Variants in KLHL28 observed in about 807,000 individuals in gnomAD.
The protein encoded by KLHL28 is kelch like family member 28, also known as kelch-like protein 28.
Under a neutral mutation model 48.3 loss-of-function variants are expected in KLHL28, and 22 were observed. The ratio of observed to expected loss-of-function variants is 0.46; its 90% CI spans 0.33 to 0.65. The LOEUF is 0.65. Among genes scored for constraint, KLHL28 ranks in the 30% least tolerant of loss-of-function variants. The pLI is 0.03. For missense variants in KLHL28, 527 were observed against 704.3 expected, an observed-to-expected ratio of 0.75 and a Z score of 2.85; for synonymous variants, 243 against 242.4, an observed-to-expected ratio of 1.00 and a Z score of -0.02.
At chr14:44,953,168 T>A (rs1038349744) in intron 1 of KLHL28, among the ~76,000 whole-genome samples, 1 of 152,194 alleles carries the variant, frequency 6.6e-6, no homozygotes, top group Admixed American at 6.5e-5. Context: ...GCAGGTTTAG[T>A]ATATGATAAA....
intron 2 of KLHL28, among the ~76,000 whole-genome samples, chr14:44,943,405 C>T (rs1884183329): frequency 6.6e-6 from 1 of 152,172 alleles, no homozygotes; most frequent in Non-Finnish European, 1.5e-5. Flanking sequence ...TGCCTGTAAT[C>T]CCAGCACTTT....
chr14:44,932,383 T>G (rs1254337312), intron 3 of KLHL28, among the ~76,000 whole-genome samples: 1 of 152,138 alleles, frequency 6.6e-6, no homozygotes, highest in Non-Finnish European at 1.5e-5. Context: ...TTAGGAGTAC[T>G]CAGGAATTTG....
intron 2 of KLHL28, among the ~76,000 whole-genome samples, chr14:44,938,214 T>C (rs1453655611): frequency 6.6e-6 from 1 of 152,106 alleles, no homozygotes; most frequent in Non-Finnish European, 1.5e-5. Flanking sequence ...CAAATTCCCT[T>C]CCTGCTGTGA....
chr14:44,926,459 A>G lies in KLHL28; in HGVS notation c.*2569T>C, dbSNP rs903964362. ...TTGATAGTGGAGATGATACATGAGT[A>G]AAATATTGTTAAAATACAATGTATA... On this transcript the variant is annotated 3_prime_UTR_variant, in exon 5 of 5. Transcript: ENST00000396128. 1.3e-5 allele frequency: 2 copies of G among 152,204 alleles called. No individual in the cohort carries two copies. Among genetic ancestry groups the G allele is most frequent in the Admixed American group, 1.3e-4 (2 of 15,292 alleles). 9.4% of individuals were successfully genotyped at this position (152,204 alleles called of 1,614,324 possible).
chr14:44,931,682 G>T, intron 3 of KLHL28, 141 bp from the exon 4 acceptor site: 1 of 643,542 alleles, frequency 1.6e-6, no homozygotes, highest in Non-Finnish European at 2.6e-6. Context: ...CAAATGCTTA[G>T]GTTTTGCTGA....
At chr14:44,947,034 C>A (rs551445251) in intron 1 of KLHL28, among the ~76,000 whole-genome samples, 22 of 152,182 alleles carry the variant, frequency 1.4e-4, no homozygotes, top group Non-Finnish European at 2.6e-4. Context: ...ACATTCACAT[C>A]CCTATCCCTG....
At chr14:44,961,720 CAAG>C (rs1885117992) in intron 1 of KLHL28, 123 bp downstream of exon 1, 2 of 152,300 alleles carry the variant, frequency 1.3e-5, no homozygotes, top group African/African-American at 4.8e-5. Flanking sequence ...GAGCCCTGCA[CAAG>C]AAGATGTCGC....
chr14:44,934,443 T>A lies in KLHL28; in HGVS notation c.1015A>T (p.Ile339Phe). 1 of 1,614,168 alleles carries A rather than the reference T, an allele frequency of 6.2e-7. No homozygotes were observed. Among genetic ancestry groups the A allele is most frequent in the African/African-American group, 1.3e-5 (1 of 75,038 alleles). Residue 339 changes from isoleucine to phenylalanine, a missense_variant, in exon 3 of 5, where the codon ATT (isoleucine) becomes TTT (phenylalanine). Ile to Phe is a conservative substitution (Grantham distance 21, BLOSUM62 0). Transcript: ENST00000396128. ...LDQKVYVIGG[I>F]ATNVRPGVTI... ...ACGCCAGGACGCACATTAGTTGCAATACCACCTATAACATATACTTTTTGG... is the reference window on the plus strand; with the variant it reads ...ACGCCAGGACGCACATTAGTTGCAAAACCACCTATAACATATACTTTTTGG...
At chr14:44,954,980 G>A (rs549388938) in intron 1 of KLHL28, among the ~76,000 whole-genome samples, 11 of 152,104 alleles carry the variant, frequency 7.2e-5, no homozygotes, top group African/African-American at 2.2e-4. Context: ...TTCAGTAATC[G>A]CATTGTTGAT....
At chr14:44,952,266 C>A (rs911564605) in intron 1 of KLHL28, among the ~76,000 whole-genome samples, 2 of 151,976 alleles carry the variant, frequency 1.3e-5, no homozygotes, top group African/African-American at 4.8e-5. Context: ...GTTTTTAAAA[C>A]AGTGGTTTTC....
chr14:44,933,929 TTTGA>T (rs1196481087), intron 3 of KLHL28, among the ~76,000 whole-genome samples, 182 bp downstream of exon 3: 1 of 152,176 alleles, frequency 6.6e-6, no homozygotes, highest in Non-Finnish European at 1.5e-5. Flanking sequence ...ATGAGAGGGA[TTTGA>T]TTGTTAGGTT....
chr14:44,938,101 C>G (rs1485472556), intron 2 of KLHL28, among the ~76,000 whole-genome samples: 1 of 152,140 alleles, frequency 6.6e-6, no homozygotes, highest in African/African-American at 2.4e-5. Context: ...ATCCCAATAG[C>G]CCCAAAAGTC....
chr14:44,938,649 C>T (rs1167730153), intron 2 of KLHL28, among the ~76,000 whole-genome samples: 3 of 152,170 alleles, frequency 2.0e-5, no homozygotes, highest in South Asian at 2.1e-4. Flanking sequence ...AGATTACAAG[C>T]GTGAGCCACC....
chr14:44,942,766 C>G (rs1884156920), intron 2 of KLHL28, among the ~76,000 whole-genome samples: 1 of 152,166 alleles, frequency 6.6e-6, no homozygotes, highest in African/African-American at 2.4e-5. Flanking sequence ...ACATGAAGTT[C>G]TCTACAATTC....
At chr14:44,931,138 T>A (rs1883567361) in intron 4 of KLHL28, among the ~76,000 whole-genome samples, 195 bp downstream of exon 4, 1 of 151,962 alleles carries the variant, frequency 6.6e-6, no homozygotes, top group Non-Finnish European at 1.5e-5. Context: ...CATTGGCATA[T>A]AAAAGTCACA....
intron 1 of KLHL28, among the ~76,000 whole-genome samples, chr14:44,949,596 T>C (rs898106519): frequency 6.6e-6 from 1 of 152,128 alleles, no homozygotes; most frequent in Admixed American, 6.5e-5. Context: ...GAAGATATTT[T>C]ATGTCCTGAA....
At chr14:44,936,981 A>G (rs1232892949) in intron 2 of KLHL28, among the ~76,000 whole-genome samples, 8 of 152,142 alleles carry the variant, frequency 5.3e-5, no homozygotes, top group Admixed American at 5.2e-4. Flanking sequence ...ACTGTCAAAG[A>G]GTGGAATGTG....
chr14:44,952,101 T>G (rs1041766101), intron 1 of KLHL28, among the ~76,000 whole-genome samples: 1 of 152,102 alleles, frequency 6.6e-6, no homozygotes, highest in Non-Finnish European at 1.5e-5. Flanking sequence ...ACTCAAACGA[T>G]CACCCACCCT....
intron 1 of KLHL28, among the ~76,000 whole-genome samples, chr14:44,950,983 T>C (rs187313725): frequency 6.6e-6 from 1 of 152,362 alleles, no homozygotes. Context: ...TTTTAAAATA[T>C]AGATGGCTTA....
Sources: gnomAD v4.1 joint callset for allele counts (sites outside exome capture counted in the v4.1 genomes callset) on GRCh38, gnomAD v4.1.1 for gene constraint, MANE v1.5 for transcripts, NCBI Gene and HGNC (gene_info 2026-07-23, HGNC 2026-07-21) for gene names.